Variants in STON1 observed in about 807,000 individuals in gnomAD.
STON1 encodes the protein stonin 1.
STON1 carries 79 observed loss-of-function variants against 60.9 expected under a neutral mutation model. That is an observed-to-expected ratio of 1.30 (90% confidence interval 1.08 to 1.56). The LOEUF (loss-of-function observed/expected upper bound fraction) is 1.56. Among genes scored for constraint, STON1 ranks in the 40% most tolerant of loss-of-function variants. The pLI is 0.00. For missense variants in STON1, 1,166 were observed against 858.9 expected, an observed-to-expected ratio of 1.36 and a Z score of -4.47; for synonymous variants, 363 against 306.9, an observed-to-expected ratio of 1.18 and a Z score of -1.91.
intron 1 of STON1, among the ~76,000 whole-genome samples, chr2:48,544,198 GTGTC>G (rs55650737): frequency 6.6e-6 from 1 of 151,844 alleles, no homozygotes; most frequent in Non-Finnish European, 1.5e-5. Context: ...GTGTGTGTGT[GTGTC>G]TGTCTGTCTA....
At chr2:48,553,052 A>G (rs990512657) in intron 1 of STON1, among the ~76,000 whole-genome samples, 1 of 152,054 alleles carries the variant, frequency 6.6e-6, no homozygotes, top group Non-Finnish European at 1.5e-5. Context: ...GGCTTCTTAC[A>G]TGGCATCTCA....
chr2:48,588,205 A>G (rs981873976), intron 2 of STON1, among the ~76,000 whole-genome samples: 18 of 152,234 alleles, frequency 1.2e-4, no homozygotes, highest in African/African-American at 4.3e-4. Context: ...ATCTGGCCCA[A>G]GGAATACGCT....
intron 1 of STON1, among the ~76,000 whole-genome samples, chr2:48,540,823 ATAGT>A (rs1208291640): frequency 6.6e-6 from 1 of 152,062 alleles, no homozygotes; most frequent in Non-Finnish European, 1.5e-5. Context: ...CTCAGAGTAG[ATAGT>A]TCATTAGAGG....
chr2:48,585,074 A>T (rs566099028), intron 2 of STON1, among the ~76,000 whole-genome samples: 2 of 152,264 alleles, frequency 1.3e-5, no homozygotes, highest in African/African-American at 4.8e-5. Context: ...AATTATGTTC[A>T]GTTCCCCCAT....
chr2:48,587,112 C>G (rs1300055992), intron 2 of STON1, among the ~76,000 whole-genome samples: 1 of 152,114 alleles, frequency 6.6e-6, no homozygotes, highest in Non-Finnish European at 1.5e-5. Context: ...ATATTTGGGC[C>G]CCATCCCCTA....
intron 1 of STON1, among the ~76,000 whole-genome samples, chr2:48,553,428 C>G (rs1450104174): frequency 1.3e-5 from 2 of 151,606 alleles, no homozygotes; most frequent in Non-Finnish European, 2.9e-5. Flanking sequence ...TCTTCCTCCT[C>G]CCTTTCTCTC....
chr2:48,584,730 G>A (rs930144041), intron 2 of STON1, among the ~76,000 whole-genome samples: 2 of 152,290 alleles, frequency 1.3e-5, no homozygotes, highest in Non-Finnish European at 2.9e-5. Flanking sequence ...TGTAGCCAGA[G>A]GGAAGAACAC....
At position 48,564,476 on chromosome 2, in the gene STON1, CTTCTTTCTTCTT is replaced by C. The variant is rs1558604697; in HGVS notation, c.-47-16110_-47-16099del. Among the ~76,000 whole-genome samples, 10 of 50,382 alleles carry C rather than the reference CTTCTTTCTTCTT, an allele frequency of 2.0e-4. 2 individuals carry two copies. The highest frequency in any genetic ancestry group is 7.7e-4 in the African/African-American group (10 of 12,942). 33.1% of individuals were successfully genotyped at this position (50,382 alleles called of 152,430 possible). On this transcript the variant is annotated intron_variant, in intron 1 of 3. Coordinates refer to ENST00000404752, the MANE Select transcript of STON1 (RefSeq NM_006873.4). ...TCTTCTTCTTCTTCTTCTTCTTCTT[CTTCTTTCTTCTT>C]CTTCTTCTTCTTCTTCTTCTTCTTC...
chr2:48,542,164 G>T (rs1671681977), intron 1 of STON1, among the ~76,000 whole-genome samples: 1 of 152,258 alleles, frequency 6.6e-6, no homozygotes, highest in African/African-American at 2.4e-5. Context: ...TTCTTTACTT[G>T]TGGCTGATTC....
At position 48,595,534 on chromosome 2, in the gene STON1, T is replaced by C. The variant is rs1002879770; in HGVS notation, c.*232T>C. The stretch of plus-strand genomic sequence containing the variant: ...TAAAATGTTTCTATAATTCGTGTGA[T>C]GTTTTGCTTCCTATTGAAACTCAAA... On this transcript the variant is annotated 3_prime_UTR_variant, in exon 4 of 4. Coordinates refer to ENST00000404752, the MANE Select transcript of STON1 (RefSeq NM_006873.4). 1 of 466,992 alleles carries C rather than the reference T, an allele frequency of 2.1e-6. No homozygotes were observed. Among genetic ancestry groups the C allele is most frequent in the Non-Finnish European group, 3.8e-6 (1 of 263,170 alleles). 28.9% of individuals were successfully genotyped at this position (466,992 alleles called of 1,614,324 possible).
At chr2:48,577,924 C>A (rs1349989162) in intron 1 of STON1, among the ~76,000 whole-genome samples, 1 of 150,844 alleles carries the variant, frequency 6.6e-6, no homozygotes, top group Admixed American at 6.6e-5. Flanking sequence ...CCAAAAAAAA[C>A]CAAAAAAACA....
At chr2:48,567,524 G>A (rs927358246) in intron 1 of STON1, among the ~76,000 whole-genome samples, 9 of 152,154 alleles carry the variant, frequency 5.9e-5, no homozygotes, top group Non-Finnish European at 1.0e-4. Flanking sequence ...CGATTCTCCT[G>A]CCTCAGCCTC....
chr2:48,533,767 CTTTTTTTTT>C (rs67961428), intron 1 of STON1, among the ~76,000 whole-genome samples: 1 of 90,560 alleles, frequency 1.1e-5, no homozygotes, highest in Non-Finnish European at 2.2e-5. Flanking sequence ...TTACACAGGA[CTTTTTTTTT>C]TTTTTTTTTT....
At position 48,597,547 on chromosome 2, in the gene STON1, T is replaced by TG. The variant is rs779198345; in HGVS notation, c.*2248dup. ...TGCTTCACAGGTTGACTAGTATCTG[T>TG]GGGTACCTCCCTGCCCAGGTTATTC... On this transcript the variant is annotated 3_prime_UTR_variant, in exon 4 of 4. Transcript: ENST00000404752. 38 of 152,542 alleles carry TG rather than the reference T, an allele frequency of 2.5e-4. No individual in the cohort carries two copies. Among genetic ancestry groups the TG allele is most frequent in the African/African-American group, 8.4e-4 (35 of 41,558 alleles). The allele number at this position is 152,542 out of a possible 1,614,324, so 9.4% of individuals were successfully genotyped here.
chr2:48,570,498 C>G (rs1269061428), intron 1 of STON1, among the ~76,000 whole-genome samples: 1 of 152,070 alleles, frequency 6.6e-6, no homozygotes, highest in African/African-American at 2.4e-5. Context: ...CAGGGCTTCC[C>G]TAAATATGGG....
At chr2:48,537,338 TTTTAC>T (rs1193999506) in intron 1 of STON1, among the ~76,000 whole-genome samples, 1 of 152,242 alleles carries the variant, frequency 6.6e-6, no homozygotes, top group African/African-American at 2.4e-5. Context: ...ACAGTATATA[TTTTAC>T]TTAATGCTTT....
chr2:48,573,252 A>G (rs567874330), intron 1 of STON1, among the ~76,000 whole-genome samples: 1 of 152,276 alleles, frequency 6.6e-6, no homozygotes, highest in Non-Finnish European at 1.5e-5. Flanking sequence ...TATCCCAGCT[A>G]CTTGGGAGGC....
intron 1 of STON1, among the ~76,000 whole-genome samples, chr2:48,532,249 T>A (rs1019953541): frequency 6.6e-6 from 1 of 151,850 alleles, no homozygotes; most frequent in Non-Finnish European, 1.5e-5. Context: ...CTTGGGAGGT[T>A]GAGGCGGAAG....
chr2:48,596,733 A>G lies in STON1; in HGVS notation c.*1431A>G, dbSNP rs1238376750. ...GAAATCTGTTCAAAAACAGATTAAG[A>G]CAAACATTTATGATGGTCTGTATCA... On this transcript the variant is annotated 3_prime_UTR_variant, in exon 4 of 4. Transcript: ENST00000404752. 2.0e-5 allele frequency: 3 copies of G among 152,214 alleles called. No homozygotes were observed. The highest frequency in any genetic ancestry group is 6.5e-5 in the Admixed American group (1 of 15,278). The allele number at this position is 152,214 out of a possible 1,614,324, so 9.4% of individuals were successfully genotyped here.
Sources: allele counts gnomAD v4.1 joint callset (sites outside exome capture counted in the v4.1 genomes callset), GRCh38; gene constraint gnomAD v4.1.1; transcripts MANE v1.5; gene names NCBI Gene and HGNC (gene_info 2026-07-23, HGNC 2026-07-21).